Variants in STOX2 observed in about 807,000 individuals in gnomAD.
STOX2 encodes storkhead-box protein 2.
Under a neutral mutation model 60.9 loss-of-function variants are expected in STOX2, and 28 were observed. The ratio of observed to expected loss-of-function variants is 0.46; its 90% CI spans 0.34 to 0.63. STOX2 has a LOEUF of 0.63. Ranked by LOEUF, STOX2 falls within the 30% of genes least tolerant of loss-of-function variation. The pLI, the probability that STOX2 is intolerant of heterozygous loss-of-function variation, is 0.01. For synonymous variants in STOX2, 472 were observed against 463.9 expected (o/e 1.02, Z -0.22); for missense variants, 1,024 against 1,187.7 (o/e 0.86, Z 2.03).
intron 1 of STOX2, 125 bp downstream of exon 1, chr4:183,907,081 G>A: frequency 2.5e-6 from 2 of 803,866 alleles, no homozygotes; most frequent in Non-Finnish European, 3.8e-6. Flanking sequence ...GGGAAAGCAG[G>A]AAAAAATTAG....
chr4:183,916,093 A>G (rs1183098219), intron 1 of STOX2, among the ~76,000 whole-genome samples: 1 of 152,246 alleles, frequency 6.6e-6, no homozygotes, highest in Non-Finnish European at 1.5e-5. Context: ...CCTGACTTCT[A>G]ATCTGGTGCT....
intron 1 of STOX2, among the ~76,000 whole-genome samples, chr4:183,828,736 G>C (rs564708214): frequency 1.3e-5 from 2 of 152,218 alleles, no homozygotes; most frequent in Non-Finnish European, 2.9e-5. Context: ...ATGAACTTCT[G>C]TGAAATACTT....
At chr4:183,882,411 T>C (rs929917722) in intron 1 of STOX2, among the ~76,000 whole-genome samples, 2 of 152,226 alleles carry the variant, frequency 1.3e-5, no homozygotes, top group African/African-American at 4.8e-5. Context: ...TCCTTCTCAT[T>C]TCCCAGTGGG....
At chr4:183,915,822 A>G (rs1376853364) in intron 1 of STOX2, among the ~76,000 whole-genome samples, 3 of 152,216 alleles carry the variant, frequency 2.0e-5, no homozygotes, top group Non-Finnish European at 2.9e-5. Flanking sequence ...CCGGAAGGAA[A>G]CAATCCTACT....
chr4:183,907,597 A>G (rs1184103385), intron 1 of STOX2, among the ~76,000 whole-genome samples: 1 of 152,244 alleles, frequency 6.6e-6, no homozygotes, highest in Non-Finnish European at 1.5e-5. Context: ...ATGTGTTTGC[A>G]TGTCAGACAG....
At chr4:183,997,229 G>T (rs927918881) in intron 1 of STOX2, among the ~76,000 whole-genome samples, 4 of 152,192 alleles carry the variant, frequency 2.6e-5, no homozygotes, top group African/African-American at 9.7e-5. Flanking sequence ...TTTGAATTGA[G>T]ACCTAAAGCA....
intron 2 of STOX2, among the ~76,000 whole-genome samples, chr4:184,006,967 G>T (rs1266202559): frequency 2.5e-5 from 3 of 122,302 alleles, no homozygotes; most frequent in South Asian, 2.7e-4. Context: ...AGTGAGCCGA[G>T]ATCCCGCCAC....
At chr4:183,803,409 A>C (rs1738813257) in intron 1 of STOX2, among the ~76,000 whole-genome samples, 1 of 152,246 alleles carries the variant, frequency 6.6e-6, no homozygotes, top group Non-Finnish European at 1.5e-5. Flanking sequence ...CACTCCACAG[A>C]CATTTGTATA....
At chr4:184,014,728 A>G (rs1484476236) in intron 3 of STOX2, 1 of 152,222 alleles carries the variant, frequency 6.6e-6, no homozygotes, top group Non-Finnish European at 1.5e-5. Flanking sequence ...AATGAAATAC[A>G]TTCTTTACCA....
intron 2 of STOX2, among the ~76,000 whole-genome samples, chr4:184,006,757 A>T (rs980258554): frequency 3.3e-5 from 5 of 151,258 alleles, no homozygotes; most frequent in Non-Finnish European, 5.9e-5. Context: ...TTATAAAATT[A>T]AAAAACACCA....
rs1040228841 is a variant in STOX2 at position 183,856,259 on chromosome 4, TC to T, written c.364+58209del. On this transcript the variant is annotated intron_variant, in intron 1 of 2. Transcript: ENST00000513034. This position sits in a 1 kb window ranked among gnomAD's most constrained non-coding sequence, Gnocchi z 4.0. ...CCCCTTTCACACATGTCGACATTAC[TC>T]CCCCAAGACGAGCCTATGAACTAAA... 1.3e-5 allele frequency among the ~76,000 whole-genome samples: 2 copies of T among 149,334 alleles called. No individual in the cohort carries two copies. Among genetic ancestry groups the T allele is most frequent in the African/African-American group, 4.9e-5 (2 of 41,106 alleles).
chr4:183,897,902 A>G (rs1417820085), intron 1 of STOX2, among the ~76,000 whole-genome samples: 3 of 152,188 alleles, frequency 2.0e-5, no homozygotes, highest in Admixed American at 2.0e-4. Context: ...ATACAATCAT[A>G]TTATTATGCA....
At chr4:183,808,546 T>A (rs1738962799) in intron 1 of STOX2, among the ~76,000 whole-genome samples, 1 of 152,188 alleles carries the variant, frequency 6.6e-6, no homozygotes, top group Non-Finnish European at 1.5e-5. Context: ...CCAAGGAAAG[T>A]CTTTAATCGT....
intron 1 of STOX2, among the ~76,000 whole-genome samples, chr4:183,951,033 G>A (rs1401273378): frequency 1.3e-5 from 2 of 151,966 alleles, no homozygotes; most frequent in East Asian, 2.0e-4. Context: ...GGCTAACACG[G>A]TGAAACCCCG....
chr4:183,822,981 C>T (rs567349948), intron 1 of STOX2, among the ~76,000 whole-genome samples: 4 of 152,346 alleles, frequency 2.6e-5, no homozygotes, highest in African/African-American at 9.6e-5. Flanking sequence ...TTCCTGTGTC[C>T]GACCCATCTG....
chr4:184,010,034 T>C lies in STOX2; in HGVS notation c.1196T>C (p.Phe399Ser). ...LDIPAEREYD[F>S]CDPLTRVPRE... ...ATCCCAGCTGAAAGAGAGTATGACT[T>C]TTGTGATCCTCTTACCAGGGTGCCC... Residue 399 changes from phenylalanine to serine, a missense_variant, in exon 3 of 4, where the codon TTT becomes TCT. Around this residue, in one of 3 missense-constraint regions of STOX2, gnomAD observed 922 missense variants for 1,058.3 expected, o/e 0.87. Coordinates refer to ENST00000308497, the MANE Select transcript of STOX2 (RefSeq NM_020225.3). The surrounding 1 kb of genome is among the most constrained non-coding windows in gnomAD (Gnocchi z 4.5). The C allele has an allele frequency of 6.2e-7, 1 of 1,613,832 alleles. No individual in the cohort carries two copies. The highest frequency in any genetic ancestry group is 1.3e-5 in the African/African-American group (1 of 75,032).
chr4:183,947,459 CCT>C (rs1163281376), intron 1 of STOX2, among the ~76,000 whole-genome samples: 1 of 151,852 alleles, frequency 6.6e-6, no homozygotes, highest in Non-Finnish European at 1.5e-5. Context: ...CAAAATATGC[CCT>C]GTTGCATTGG....
intron 1 of STOX2, among the ~76,000 whole-genome samples, chr4:183,934,196 G>C (rs1301171154): frequency 6.6e-6 from 1 of 152,110 alleles, no homozygotes; most frequent in African/African-American, 2.4e-5. Context: ...CCAGCTACCT[G>C]GGAGGCTGAG....
Position 183,800,121 on chromosome 4 carries a change from G to A in STOX2, c.364+2066G>A, listed in dbSNP as rs529471900. ...ATTCCAATTTTGCTTCAGTAATGAC[G>A]GTAAAATGCTGAATTGTTTGAAAGA... On this transcript the variant is annotated intron_variant, in intron 1 of 2. Coordinates refer to the STOX2 transcript ENST00000513034. Among the ~76,000 whole-genome samples, 248 of 152,278 alleles carry A rather than the reference G, an allele frequency of 1.6e-3. 2 individuals carry two copies. The Middle Eastern group carries it at 0.02, about 13-fold the overall frequency.
Sources: allele counts gnomAD v4.1 joint callset (sites outside exome capture counted in the v4.1 genomes callset), GRCh38; gene constraint gnomAD v4.1.1; regional missense constraint gnomAD v4.1.1; non-coding constraint Gnocchi (gnomAD v3.1); transcripts MANE v1.5; gene names NCBI Gene and HGNC (gene_info 2026-07-23, HGNC 2026-07-21).